The following RBMS3 variants were observed in gnomAD, a reference collection of about 807,000 sequenced individuals.
The protein encoded by RBMS3 is RNA binding motif single stranded interacting protein 3.
In RBMS3, 27 loss-of-function variants were observed where a neutral mutation model predicts 66.8. The observed-to-expected ratio is 0.40, with a 90% CI of 0.30 to 0.56. RBMS3 has a LOEUF of 0.56. RBMS3 is among the 20% of genes least tolerant of loss of function. The pLI is 0.40. For synonymous variants in RBMS3, 188 were observed against 183.0 expected (o/e 1.03, Z -0.22); for missense variants, 513 against 549.5 (o/e 0.93, Z 0.66).
chr3:29,298,714 T>A (rs1192300489), intron 1 of RBMS3, among the ~76,000 whole-genome samples: 3 of 151,896 alleles, frequency 2.0e-5, no homozygotes, highest in African/African-American at 7.2e-5. Context: ...ACGTTTGGTC[T>A]CATGACGTTT....
chr3:29,432,826 G>A (rs751808255), intron 1 of RBMS3, among the ~76,000 whole-genome samples: 1 of 152,202 alleles, frequency 6.6e-6, no homozygotes, highest in Non-Finnish European at 1.5e-5. Context: ...CTGAGAATGG[G>A]AAGGGTGAAA....
At chr3:29,389,329 G>T (rs2039172808) in intron 1 of RBMS3, among the ~76,000 whole-genome samples, 1 of 152,096 alleles carries the variant, frequency 6.6e-6, no homozygotes, top group African/African-American at 2.4e-5. Context: ...TAAACTTAAT[G>T]AGGAAAAAAT....
At chr3:29,629,082 G>A (rs1028354438) in intron 4 of RBMS3, among the ~76,000 whole-genome samples, 2 of 152,186 alleles carry the variant, frequency 1.3e-5, no homozygotes, top group South Asian at 4.1e-4. Context: ...ATTGTATCTG[G>A]TTGGTAGCTG....
chr3:29,712,498 A>G (rs1401685520), intron 4 of RBMS3, among the ~76,000 whole-genome samples: 2 of 152,044 alleles, frequency 1.3e-5, no homozygotes, highest in African/African-American at 4.8e-5. Flanking sequence ...GTTTTTGTAG[A>G]GACAGAGTTT....
At chr3:29,331,962 G>T (rs913176057) in intron 1 of RBMS3, among the ~76,000 whole-genome samples, 4 of 151,604 alleles carry the variant, frequency 2.6e-5, no homozygotes, top group African/African-American at 7.3e-5. Flanking sequence ...AAACTGGACT[G>T]TGAACTCTTT....
intron 1 of RBMS3, among the ~76,000 whole-genome samples, chr3:29,313,607 A>G (rs1361558267): frequency 6.6e-6 from 1 of 151,612 alleles, no homozygotes; most frequent in Non-Finnish European, 1.5e-5. Context: ...TTCCAGTCAC[A>G]AAACAGCCCT....
intron 7 of RBMS3, among the ~76,000 whole-genome samples, chr3:29,870,232 G>C (rs1300008866): frequency 6.6e-6 from 1 of 152,122 alleles, no homozygotes; most frequent in Non-Finnish European, 1.5e-5. Context: ...GGAGTCCAGT[G>C]CATCAGCAGA....
At position 29,984,741 on chromosome 3, in the gene RBMS3, G is replaced by A. The variant is rs1698251367; in HGVS notation, c.1099-3402G>A. 2.0e-5 allele frequency among the ~76,000 whole-genome samples: 3 copies of A among 152,152 alleles called. No homozygotes were observed. In the South Asian group the frequency reaches 6.2e-4, roughly 32 times the overall value. ...CTTTGCCTGGGTATGACCAGCAGAG[G>A]CTGCAGAACAGCAAATATTGCTGCC... On this transcript the variant is annotated intron_variant, in intron 12 of 14. Coordinates refer to ENST00000383767, the MANE Select transcript of RBMS3 (RefSeq NM_001003793.3).
At chr3:29,450,026 G>A (rs1195219407) in intron 2 of RBMS3, among the ~76,000 whole-genome samples, 1 of 152,078 alleles carries the variant, frequency 6.6e-6, no homozygotes, top group Non-Finnish European at 1.5e-5. Context: ...GAGTTTTCTG[G>A]GAAAACTGAG....
intron 6 of RBMS3, among the ~76,000 whole-genome samples, chr3:29,776,002 A>G (rs2056414412): frequency 2.0e-5 from 3 of 152,008 alleles, no homozygotes; most frequent in Non-Finnish European, 4.4e-5. Context: ...AATCCATGTA[A>G]TAGATAAAAT....
chr3:29,902,216 TA>T (rs2060271934), intron 10 of RBMS3, among the ~76,000 whole-genome samples: 1 of 151,864 alleles, frequency 6.6e-6, no homozygotes, highest in African/African-American at 2.4e-5. Flanking sequence ...AATACCCAAA[TA>T]ATTATGTTTT....
intron 1 of RBMS3, among the ~76,000 whole-genome samples, chr3:29,312,651 T>C: frequency 6.6e-6 from 1 of 151,636 alleles, no homozygotes; most frequent in East Asian, 1.9e-4. Flanking sequence ...TGTCTGTCCC[T>C]TTGTCACTCT....
chr3:29,744,353 A>G (rs900556546), intron 5 of RBMS3, among the ~76,000 whole-genome samples: 1 of 152,216 alleles, frequency 6.6e-6, no homozygotes, highest in Non-Finnish European at 1.5e-5. Flanking sequence ...GCAGAAAGAC[A>G]TTTGATGATA....
At chr3:29,927,931 A>G (rs933790148) in intron 10 of RBMS3, among the ~76,000 whole-genome samples, 1 of 152,108 alleles carries the variant, frequency 6.6e-6, no homozygotes, top group Non-Finnish European at 1.5e-5. Context: ...GAATAAGACA[A>G]GCAGGAATAG....
intron 14 of RBMS3, among the ~76,000 whole-genome samples, chr3:30,001,824 A>G (rs1237146041): frequency 6.6e-6 from 1 of 151,334 alleles, no homozygotes; most frequent in African/African-American, 2.4e-5. Context: ...TTTTATTTCT[A>G]AAATGTCCAA....
At chr3:29,906,457 A>T (rs572294739) in intron 10 of RBMS3, among the ~76,000 whole-genome samples, 1 of 151,518 alleles carries the variant, frequency 6.6e-6, no homozygotes, top group South Asian at 2.1e-4. Flanking sequence ...GGCAACATTA[A>T]TCCATTCATG....
At chr3:29,880,706 G>A (rs2059716245) in intron 7 of RBMS3, 1 of 1,377,278 alleles carries the variant, frequency 7.3e-7, no homozygotes, top group Non-Finnish European at 1.0e-6. Flanking sequence ...CTTAACCCAT[G>A]CCATGTTGTT....
intron 10 of RBMS3, among the ~76,000 whole-genome samples, chr3:29,935,815 T>G (rs1378358727): frequency 6.6e-6 from 1 of 152,108 alleles, no homozygotes; most frequent in Non-Finnish European, 1.5e-5. Context: ...TTCAATACAT[T>G]CTACCTCAAA....
intron 3 of RBMS3, among the ~76,000 whole-genome samples, chr3:29,494,438 A>G (rs1054375780): frequency 1.3e-5 from 2 of 152,184 alleles, no homozygotes; most frequent in African/African-American, 4.8e-5. Context: ...TAATATGACA[A>G]CATACAACAA....
Sources: gnomAD v4.1 joint callset for allele counts (sites outside exome capture counted in the v4.1 genomes callset) on GRCh38, gnomAD v4.1.1 for gene constraint, MANE v1.5 for transcripts, NCBI Gene and HGNC (gene_info 2026-07-23, HGNC 2026-07-21) for gene names.